Variants in GRK5 observed in about 807,000 individuals in gnomAD.
GRK5 encodes g protein-coupled receptor kinase GRK5.
A neutral mutation model predicts 78.4 loss-of-function variants in GRK5; 40 were observed. The ratio of observed to expected loss-of-function variants is 0.51; its 90% CI spans 0.40 to 0.66. The LOEUF is 0.66. Among genes scored for constraint, GRK5 ranks in the 30% least tolerant of loss-of-function variants. GRK5 has a pLI of 0.00. For synonymous variants in GRK5, 289 were observed against 296.8 expected (o/e 0.97, Z 0.27); for missense variants, 598 against 759.9 (o/e 0.79, Z 2.50).
At chr10:119,268,955 G>A (rs1211265521) in intron 1 of GRK5, among the ~76,000 whole-genome samples, 1 of 152,190 alleles carries the variant, frequency 6.6e-6, no homozygotes, top group African/African-American at 2.4e-5. Context: ...CCCTGCAGCG[G>A]AGTCCCCATG....
At chr10:119,312,195 C>T (rs946436183) in intron 1 of GRK5, among the ~76,000 whole-genome samples, 3 of 152,194 alleles carry the variant, frequency 2.0e-5, no homozygotes, top group Middle Eastern at 3.2e-3. Context: ...GGATTACAGG[C>T]GTGAGCCTCT....
chr10:119,251,832 C>T (rs1366359898), intron 1 of GRK5, among the ~76,000 whole-genome samples: 1 of 152,138 alleles, frequency 6.6e-6, no homozygotes, highest in Admixed American at 6.5e-5. Flanking sequence ...CAGACTTTGT[C>T]AAATGTCCTC....
At chr10:119,282,475 C>G (rs1359844340) in intron 1 of GRK5, among the ~76,000 whole-genome samples, 1 of 152,212 alleles carries the variant, frequency 6.6e-6, no homozygotes, top group Non-Finnish European at 1.5e-5. Flanking sequence ...TTGTCTGTCT[C>G]CCTCACCAAC....
intron 1 of GRK5, among the ~76,000 whole-genome samples, chr10:119,251,230 A>T (rs938230116): frequency 1.3e-5 from 2 of 152,210 alleles, no homozygotes; most frequent in Admixed American, 1.3e-4. Flanking sequence ...AATGTGAACC[A>T]TTTGACAGAA....
intron 6 of GRK5, among the ~76,000 whole-genome samples, chr10:119,429,802 A>G (rs1337413823): frequency 1.3e-5 from 2 of 152,184 alleles, no homozygotes; most frequent in Non-Finnish European, 2.9e-5. Context: ...TTTGAAGACC[A>G]GCAGCCTCTG....
chr10:119,401,758 G>A (rs544058366), intron 4 of GRK5, among the ~76,000 whole-genome samples: 52 of 152,162 alleles, frequency 3.4e-4, no homozygotes, highest in Non-Finnish European at 6.0e-4. Flanking sequence ...TTCAGATGTC[G>A]AACTGCCAGC....
chr10:119,455,172 C>T lies in GRK5; in HGVS notation c.*105C>T. The T allele has an allele frequency of 3.3e-6, 3 of 911,708 alleles. No homozygotes were observed. The Middle Eastern group carries it at 6.3e-4, about 193-fold the overall frequency. 56.5% of individuals were successfully genotyped at this position (911,708 alleles called of 1,614,324 possible). On this transcript the variant is annotated 3_prime_UTR_variant, in exon 16 of 16. Transcript: ENST00000392870. ...TCTGGTGGGGCTGCCAGGGGAGACC[C>T]CGGGAGCCGGGGAAGGAGGCCGTCC...
At chr10:119,321,682 G>A (rs1850588356) in intron 1 of GRK5, among the ~76,000 whole-genome samples, 1 of 152,142 alleles carries the variant, frequency 6.6e-6, no homozygotes, top group Admixed American at 6.5e-5. Context: ...GGAACCTAAC[G>A]TATTCACAGG....
At chr10:119,304,533 C>T (rs1184751892) in intron 1 of GRK5, among the ~76,000 whole-genome samples, 1 of 152,124 alleles carries the variant, frequency 6.6e-6, no homozygotes, top group African/African-American at 2.4e-5. Context: ...CAACCCTAGG[C>T]GGCAACATTG....
chr10:119,439,440 A>C (rs1341413373), intron 9 of GRK5, among the ~76,000 whole-genome samples: 1 of 152,236 alleles, frequency 6.6e-6, no homozygotes, highest in Non-Finnish European at 1.5e-5. Flanking sequence ...TCAGACCTGC[A>C]GTCATTGATG....
At chr10:119,411,763 G>T in intron 4 of GRK5, among the ~76,000 whole-genome samples, 1 of 151,008 alleles carries the variant, frequency 6.6e-6, no homozygotes, top group East Asian at 1.9e-4. Flanking sequence ...ACAAATAAAG[G>T]ACTACTCCGT....
chr10:119,445,770 C>T lies in GRK5; in HGVS notation c.1266+2018C>T, dbSNP rs1307099890. On this transcript the variant is annotated intron_variant, in intron 12 of 15. Transcript: ENST00000392870. The surrounding 1 kb of genome is among the most constrained non-coding windows in gnomAD (Gnocchi z 4.1). ...CAGAGCCTGACTTGCCAGGAGACCT[C>T]GCAGGTCCTGGGTTCACAGGGCTAT... Among the ~76,000 whole-genome samples, 1 of 152,150 alleles carries T rather than the reference C, an allele frequency of 6.6e-6. No individual in the cohort carries two copies. The highest frequency in any genetic ancestry group is 2.4e-5 in the African/African-American group (1 of 41,426).
chr10:119,451,484 A>T (rs1853284139), intron 13 of GRK5, among the ~76,000 whole-genome samples: 2 of 152,094 alleles, frequency 1.3e-5, no homozygotes, highest in South Asian at 4.1e-4. Context: ...TTGCCATCTT[A>T]AAATTCTAAA....
chr10:119,276,842 G>A (rs1318066516), intron 1 of GRK5, among the ~76,000 whole-genome samples: 1 of 152,166 alleles, frequency 6.6e-6, no homozygotes, highest in African/African-American at 2.4e-5. Context: ...GCCACAGCGG[G>A]ACCTGAACTC....
chr10:119,238,559 T>C lies in GRK5; in HGVS notation c.52+30590T>C, dbSNP rs1354813795. On this transcript the variant is annotated intron_variant, in intron 1 of 15. Coordinates refer to ENST00000392870, the MANE Select transcript of GRK5 (RefSeq NM_005308.3). The surrounding 1 kb of genome is among the most constrained non-coding windows in gnomAD (Gnocchi z 4.7). ...AGAAATAAAGCATCCCTGGATCCTT[T>C]GGCTTCTTGGACAATATGCAGGAAA... Among the ~76,000 whole-genome samples, 3 of 152,200 alleles carry C rather than the reference T, an allele frequency of 2.0e-5. No homozygotes were observed. The highest frequency in any genetic ancestry group is 4.4e-5 in the Non-Finnish European group (3 of 68,038).
At chr10:119,296,393 C>A (rs117350991) in intron 1 of GRK5, among the ~76,000 whole-genome samples, 3,974 of 152,324 alleles carry the variant, frequency 0.026, 74 homozygotes, top group Middle Eastern at 0.078. Context: ...CTTTTTCTGA[C>A]TCTGTAGTTG....
rs1447762935 is a variant in GRK5, at chr10:119,266,760, G to GT, written c.52+58792dup. On this transcript the variant is annotated intron_variant, in intron 1 of 15. Transcript: ENST00000392870. ...TTGGCCATTTGCTGGGGTTGGGTGG[G>GT]TGGGGGGGAAGAGTTTTTTTTTTTT... Among the ~76,000 whole-genome samples the GT allele has an allele frequency of 2.9e-5, 4 of 138,976 alleles. No homozygotes were observed. In the South Asian group the frequency reaches 8.0e-4, roughly 28 times the overall value. The allele number at this position is 138,976 out of a possible 152,430, so 91.2% of individuals were successfully genotyped here. A position where few individuals can be genotyped will look rare whatever the true frequency, so the allele number is the denominator to read the frequency against.
chr10:119,386,015 G>T (rs957466987), intron 3 of GRK5, among the ~76,000 whole-genome samples: 1 of 152,134 alleles, frequency 6.6e-6, no homozygotes, highest in Non-Finnish European at 1.5e-5. Flanking sequence ...CTCCCAAGTA[G>T]CTGGGACTAC....
chr10:119,283,622 G>A (rs554367306), intron 1 of GRK5, among the ~76,000 whole-genome samples: 2 of 152,356 alleles, frequency 1.3e-5, no homozygotes, highest in South Asian at 2.1e-4. Context: ...GCCTTGGGGT[G>A]GAGCTAGCTC....
Sources: allele counts gnomAD v4.1 joint callset (sites outside exome capture counted in the v4.1 genomes callset), GRCh38; gene constraint gnomAD v4.1.1; non-coding constraint Gnocchi (gnomAD v3.1); transcripts MANE v1.5; gene names NCBI Gene and HGNC (gene_info 2026-07-23, HGNC 2026-07-21).